CDH12: variants seen among roughly 807,000 people sequenced by gnomAD.
The protein encoded by CDH12 is cadherin-12.
Under a neutral mutation model 74.1 loss-of-function variants are expected in CDH12, and 41 were observed. That is an observed-to-expected ratio of 0.55 (90% CI 0.43 to 0.72). CDH12 has a LOEUF of 0.72. Among genes scored for constraint, CDH12 ranks in the 30% least tolerant of loss-of-function variants. CDH12 has a pLI of 0.00. For missense variants in CDH12, 945 were observed against 977.2 expected (o/e 0.97, Z 0.44); for synonymous variants, 399 against 355.0 (o/e 1.12, Z -1.39).
intron 2 of CDH12, among the ~76,000 whole-genome samples, chr5:22,472,568 C>A (rs1746006734): frequency 6.6e-6 from 1 of 152,220 alleles, no homozygotes. Flanking sequence ...TATTTCCAAA[C>A]TCTAACTCCA....
intron 1 of CDH12, among the ~76,000 whole-genome samples, chr5:22,609,943 A>T (rs1452447072): frequency 6.6e-6 from 1 of 152,242 alleles, no homozygotes; most frequent in Non-Finnish European, 1.5e-5. Flanking sequence ...TTAGTGAAAG[A>T]TATTTGAAAA....
Position 21,802,350 on chromosome 5 carries a change from C to T in CDH12, c.1073G>A (p.Arg358Gln), listed in dbSNP as rs375233619. The change falls in exon 10 of 15, where the codon CGG becomes CAG. Residue 358 changes from arginine (R) to glutamine (Q), a missense_variant. Around this residue, in one of 3 missense-constraint regions of CDH12, gnomAD observed 791 missense variants for 792.8 expected, o/e 1.00. Transcript: ENST00000382254. The part of the protein sequence containing the change: ...VEASNLHLDH[R>Q]FHSAGPFKDT... ...TTTGAAAGGGCCCGCCGAGTGAAACCGGTGGTCAAGGTGAAGGTTGGAAGC... is the reference window on the plus strand; with the variant it reads ...TTTGAAAGGGCCCGCCGAGTGAAACTGGTGGTCAAGGTGAAGGTTGGAAGC... The T allele has an allele frequency of 5.0e-6, 8 of 1,613,656 alleles. No individual in the cohort carries two copies. Among genetic ancestry groups the T allele is most frequent in the Non-Finnish European group, 6.8e-6 (8 of 1,179,940 alleles).
At chr5:22,626,382 C>T (rs939155983) in intron 1 of CDH12, among the ~76,000 whole-genome samples, 1 of 152,148 alleles carries the variant, frequency 6.6e-6, no homozygotes, top group Non-Finnish European at 1.5e-5. Context: ...ATCTCAACCT[C>T]TTAAATGCAG....
chr5:22,339,230 G>T (rs547992446), intron 3 of CDH12, among the ~76,000 whole-genome samples: 9 of 152,180 alleles, frequency 5.9e-5, no homozygotes, highest in Non-Finnish European at 1.3e-4. Context: ...TTTTGCCTTA[G>T]AGACTGCAGT....
chr5:22,795,283 T>G (rs1400327239), intron 1 of CDH12, among the ~76,000 whole-genome samples: 6 of 152,096 alleles, frequency 3.9e-5, no homozygotes, highest in Non-Finnish European at 8.8e-5. Context: ...TCCAGTAAGA[T>G]GTTTTGTCGA....
chr5:22,459,354 ACAAT>A (rs1344054651), intron 2 of CDH12, among the ~76,000 whole-genome samples: 2 of 152,168 alleles, frequency 1.3e-5, no homozygotes, highest in East Asian at 3.8e-4. Flanking sequence ...TCAATTTTAT[ACAAT>A]CAATAAAAAT....
chr5:22,335,589 G>GAA (rs112964473), intron 3 of CDH12, among the ~76,000 whole-genome samples: 29 of 141,036 alleles, frequency 2.1e-4, no homozygotes, highest in African/African-American at 7.0e-4. Flanking sequence ...CATCTCAAAA[G>GAA]AAAAAAAAAA....
intron 3 of CDH12, among the ~76,000 whole-genome samples, chr5:22,365,503 G>T (rs1740992685): frequency 6.6e-6 from 1 of 152,244 alleles, no homozygotes; most frequent in African/African-American, 2.4e-5. Context: ...TCCTTAAGAA[G>T]ATAAATTATA....
At chr5:22,573,838 A>T (rs1434399469) in intron 1 of CDH12, among the ~76,000 whole-genome samples, 1 of 152,070 alleles carries the variant, frequency 6.6e-6, no homozygotes, top group Non-Finnish European at 1.5e-5. Flanking sequence ...ACTGTAGAGG[A>T]TCAATATAGA....
At chr5:22,344,311 G>GA (rs908489977) in intron 3 of CDH12, among the ~76,000 whole-genome samples, 1 of 151,834 alleles carries the variant, frequency 6.6e-6, no homozygotes, top group Admixed American at 6.6e-5. Flanking sequence ...ATATACTTTA[G>GA]AAAAAAAGAT....
intron 6 of CDH12, chr5:21,883,217 T>C: frequency 7.3e-7 from 1 of 1,377,646 alleles, no homozygotes; most frequent in Non-Finnish European, 1.0e-6. Flanking sequence ...CACTGAATGA[T>C]GAATTAGAAA....
chr5:21,952,551 A>C (rs562553636), intron 6 of CDH12, among the ~76,000 whole-genome samples: 14 of 152,294 alleles, frequency 9.2e-5, no homozygotes, highest in Admixed American at 8.5e-4. Context: ...TCCTTCTGTG[A>C]CAGTTCTTGA....
chr5:22,190,872 G>A (rs540965359), intron 4 of CDH12, among the ~76,000 whole-genome samples: 2 of 152,272 alleles, frequency 1.3e-5, no homozygotes, highest in South Asian at 2.1e-4. Flanking sequence ...CACAACTGGC[G>A]CATGCCAATC....
chr5:22,439,206 A>G (rs1458449159), intron 2 of CDH12, among the ~76,000 whole-genome samples: 1 of 152,122 alleles, frequency 6.6e-6, no homozygotes, highest in African/African-American at 2.4e-5. Flanking sequence ...TAAAATTAGT[A>G]GAGTTAAAGG....
chr5:22,681,229 G>C (rs1741470918), intron 1 of CDH12, among the ~76,000 whole-genome samples: 1 of 129,258 alleles, frequency 7.7e-6, no homozygotes, highest in South Asian at 2.4e-4. Context: ...GTATTGGGGG[G>C]TGTGTGTGTG....
At chr5:21,848,889 A>G (rs1433392373) in intron 7 of CDH12, among the ~76,000 whole-genome samples, 1 of 151,772 alleles carries the variant, frequency 6.6e-6, no homozygotes, top group Non-Finnish European at 1.5e-5. Flanking sequence ...AGCTCCCCCT[A>G]CTAGATAGGG....
intron 3 of CDH12, among the ~76,000 whole-genome samples, chr5:22,248,259 A>C (rs1753025410): frequency 6.6e-6 from 1 of 152,158 alleles, no homozygotes; most frequent in African/African-American, 2.4e-5. Context: ...AGATTGCACC[A>C]TTGCGCTATA....
chr5:22,115,299 T>C (rs1486805081), intron 4 of CDH12, among the ~76,000 whole-genome samples: 1 of 152,206 alleles, frequency 6.6e-6, no homozygotes, highest in East Asian at 1.9e-4. Context: ...CTTAGTTCCT[T>C]GGTTTAACTT....
chr5:22,676,250 A>C (rs1355734308), intron 1 of CDH12, among the ~76,000 whole-genome samples: 4 of 152,168 alleles, frequency 2.6e-5, no homozygotes, highest in African/African-American at 9.7e-5. Context: ...AAGTCACCAG[A>C]AAATTAAACT....
Sources: gnomAD v4.1 joint callset for allele counts (sites outside exome capture counted in the v4.1 genomes callset) on GRCh38, gnomAD v4.1.1 for gene constraint, gnomAD v4.1.1 regional missense constraint, MANE v1.5 for transcripts, NCBI Gene and HGNC (gene_info 2026-07-23, HGNC 2026-07-21) for gene names.